The following RXRG variants were observed in gnomAD, a reference collection of about 807,000 sequenced individuals.
RXRG encodes retinoic acid receptor RXR-gamma.
A neutral mutation model predicts 49.2 loss-of-function variants in RXRG; 19 were observed. That is an observed-to-expected ratio of 0.39 (90% CI 0.27 to 0.57). RXRG has a LOEUF of 0.57. Ranked by LOEUF, RXRG falls within the 20% of genes least tolerant of loss-of-function variation. RXRG has a pLI of 0.64. For synonymous variants in RXRG, 224 were observed against 216.6 expected (o/e 1.03, Z -0.30); for missense variants, 452 against 592.5 (o/e 0.76, Z 2.46).
chr1:165,417,320 A>G, intron 3 of RXRG, 100 bp from the exon 4 acceptor site: 1 of 1,147,290 alleles, frequency 8.7e-7, no homozygotes, highest in Non-Finnish European at 1.2e-6. Context: ...AAACAGGCAT[A>G]TCACTTGGGC....
chr1:165,404,240 G>A (rs945640925), intron 9 of RXRG, among the ~76,000 whole-genome samples: 16 of 152,204 alleles, frequency 1.1e-4, no homozygotes, highest in African/African-American at 3.9e-4. Flanking sequence ...CACTTGATCA[G>A]GGCAGTCAGC....
intron 2 of RXRG, among the ~76,000 whole-genome samples, chr1:165,421,847 TA>T (rs1485683889): frequency 1.3e-5 from 2 of 152,174 alleles, no homozygotes. Context: ...TGGCATTTCT[TA>T]ATTTCACCAG....
chr1:165,433,027 T>A (rs76970837), intron 1 of RXRG, among the ~76,000 whole-genome samples: 1 of 152,262 alleles, frequency 6.6e-6, no homozygotes, highest in African/African-American at 2.4e-5. Context: ...ATTAATGCAC[T>A]TATAAGAGAG....
chr1:165,407,469 C>T (rs1657792836), intron 8 of RXRG, among the ~76,000 whole-genome samples: 1 of 152,208 alleles, frequency 6.6e-6, no homozygotes. Flanking sequence ...GTCCCTATCT[C>T]ACTGCCTGCC....
intron 2 of RXRG, among the ~76,000 whole-genome samples, chr1:165,427,158 T>C (rs1658512210): frequency 6.6e-6 from 1 of 152,216 alleles, no homozygotes; most frequent in South Asian, 2.1e-4. Context: ...GAGGGCATCC[T>C]ATGGCCCAGT....
intron 1 of RXRG, among the ~76,000 whole-genome samples, chr1:165,433,795 C>A (rs1201730208): frequency 2.6e-5 from 4 of 152,166 alleles, no homozygotes; most frequent in Non-Finnish European, 5.9e-5. Flanking sequence ...CTGAGGGGTA[C>A]CTCCCACCAT....
rs1234399633 is a variant in RXRG at position 165,428,568 on chromosome 1, A to G, written c.297+151T>C. Reference sequence around the variant, plus strand: ...CTCAGCCTGAGGACACATGCAATGAAGGCCCTGCCTGAGGGACGTCTGCAG... The same window carrying G: ...CTCAGCCTGAGGACACATGCAATGAGGGCCCTGCCTGAGGGACGTCTGCAG... On this transcript the variant is annotated intron_variant, in intron 2 of 9. Coordinates refer to ENST00000359842, the MANE Select transcript of RXRG (RefSeq NM_006917.5). 4.8e-6 allele frequency: 4 copies of G among 838,200 alleles called. No individual in the cohort carries two copies. The Admixed American group carries it at 8.1e-5, about 17-fold the overall frequency. The allele number at this position is 838,200 out of a possible 1,614,324, so 51.9% of individuals were successfully genotyped here. A position where few individuals can be genotyped will look rare whatever the true frequency, so the allele number is the denominator to read the frequency against.
At chr1:165,429,868 C>T (rs1658617449) in intron 1 of RXRG, among the ~76,000 whole-genome samples, 1 of 152,140 alleles carries the variant, frequency 6.6e-6, no homozygotes, top group African/African-American at 2.4e-5. Flanking sequence ...GTAGCAAACT[C>T]GAGATGAAAC....
intron 1 of RXRG, among the ~76,000 whole-genome samples, chr1:165,429,924 C>G (rs1050626110): frequency 6.6e-6 from 1 of 152,128 alleles, no homozygotes; most frequent in East Asian, 1.9e-4. Context: ...ATGGAACATT[C>G]TCTCCAGAAG....
At chr1:165,434,490 C>G (rs1658770009) in intron 1 of RXRG, among the ~76,000 whole-genome samples, 1 of 152,212 alleles carries the variant, frequency 6.6e-6, no homozygotes, top group South Asian at 2.1e-4. Flanking sequence ...TGTTTCCACC[C>G]CTTTGCTGCT....
intron 8 of RXRG, among the ~76,000 whole-genome samples, chr1:165,407,664 C>T (rs1361591935): frequency 6.6e-6 from 1 of 152,190 alleles, no homozygotes; most frequent in African/African-American, 2.4e-5. Flanking sequence ...CCCATGAAGT[C>T]CAGACTCATA....
At chr1:165,444,591 A>G (rs1331219768) in intron 1 of RXRG, among the ~76,000 whole-genome samples, 1 of 151,962 alleles carries the variant, frequency 6.6e-6, no homozygotes, top group Non-Finnish European at 1.5e-5. Flanking sequence ...ATGTTGGTTT[A>G]CTCTCTCCTT....
intron 1 of RXRG, among the ~76,000 whole-genome samples, chr1:165,441,802 T>G (rs1462269999): frequency 1.3e-5 from 2 of 152,192 alleles, no homozygotes; most frequent in Non-Finnish European, 2.9e-5. Flanking sequence ...ACAAACCTAT[T>G]ACTGAGCAGC....
At chr1:165,431,595 A>C (rs1297602132) in intron 1 of RXRG, among the ~76,000 whole-genome samples, 7 of 152,196 alleles carry the variant, frequency 4.6e-5, no homozygotes, top group Non-Finnish European at 8.8e-5. Context: ...GCTTGCCAAA[A>C]ACAGACCAGA....
intron 1 of RXRG, among the ~76,000 whole-genome samples, chr1:165,442,740 A>G (rs999273491): frequency 2.6e-5 from 4 of 152,234 alleles, no homozygotes; most frequent in Non-Finnish European, 4.4e-5. Flanking sequence ...ACACTATAGC[A>G]GCTGTTTTTC....
At chr1:165,423,676 C>G (rs980058106) in intron 2 of RXRG, among the ~76,000 whole-genome samples, 1 of 150,780 alleles carries the variant, frequency 6.6e-6, no homozygotes, top group Admixed American at 6.6e-5. Context: ...CTCTATTTCC[C>G]CATTTCTAGG....
chr1:165,424,112 C>T (rs912780123), intron 2 of RXRG, among the ~76,000 whole-genome samples: 1 of 152,182 alleles, frequency 6.6e-6, no homozygotes, highest in African/African-American at 2.4e-5. Flanking sequence ...CAAACATACA[C>T]ACACAAACAC....
At chr1:165,401,490 A>G (rs1657564127) in intron 9 of RXRG, 80 bp from the exon 10 acceptor site, 12 of 1,527,684 alleles carry the variant, frequency 7.9e-6, no homozygotes, top group South Asian at 6.8e-5. Flanking sequence ...AGGCCGTCCA[A>G]TTGGCCTTCT....
At chr1:165,425,136 G>C (rs1007892762) in intron 2 of RXRG, among the ~76,000 whole-genome samples, 4 of 152,110 alleles carry the variant, frequency 2.6e-5, no homozygotes, top group African/African-American at 2.4e-5. Context: ...CAGGAATAGC[G>C]GCCCTGCTAC....
Sources: allele counts gnomAD v4.1 joint callset (sites outside exome capture counted in the v4.1 genomes callset), GRCh38; gene constraint gnomAD v4.1.1; transcripts MANE v1.5; gene names NCBI Gene and HGNC (gene_info 2026-07-23, HGNC 2026-07-21).